PTH2R: variants seen among roughly 807,000 people sequenced by gnomAD.
The protein encoded by PTH2R is PTH2 receptor.
A neutral mutation model predicts 60.3 loss-of-function variants in PTH2R; 59 were observed. That is an observed-to-expected ratio of 0.98 (90% CI 0.79 to 1.22). The LOEUF (loss-of-function observed/expected upper bound fraction) is 1.22. Among genes scored for constraint, PTH2R ranks in the 50% most tolerant of loss-of-function variants. The pLI is 0.00. For missense variants in PTH2R, 749 were observed against 682.6 expected, an observed-to-expected ratio of 1.10 and a Z score of -1.08; for synonymous variants, 256 against 243.8, an observed-to-expected ratio of 1.05 and a Z score of -0.47.
At chr2:208,478,787 C>A (rs879256188) in intron 9 of PTH2R, among the ~76,000 whole-genome samples, 3 of 151,992 alleles carry the variant, frequency 2.0e-5, no homozygotes, top group Non-Finnish European at 4.4e-5. Flanking sequence ...GCCGCATGGG[C>A]TGCATTAAGG....
chr2:208,365,961 T>TA (rs1491452832), intron 1 of PTH2R, among the ~76,000 whole-genome samples: 46 of 10,972 alleles, frequency 4.2e-3, no homozygotes, highest in South Asian at 5.9e-3. Flanking sequence ...TATATATATA[T>TA]TTTTTTTTTT....
chr2:208,361,635 A>G (rs1700476211), intron 1 of PTH2R, among the ~76,000 whole-genome samples: 1 of 152,094 alleles, frequency 6.6e-6, no homozygotes, highest in Non-Finnish European at 1.5e-5. Context: ...TTCTGTTTCT[A>G]TGAATTTGAC....
chr2:208,474,981 A>T (rs905769626), intron 9 of PTH2R, among the ~76,000 whole-genome samples: 5 of 152,198 alleles, frequency 3.3e-5, no homozygotes, highest in Admixed American at 2.0e-4. Flanking sequence ...TCAGCTGCTG[A>T]TGTGAGTAAT....
At chr2:208,430,736 T>A (rs1225021877) in intron 2 of PTH2R, among the ~76,000 whole-genome samples, 2 of 152,010 alleles carry the variant, frequency 1.3e-5, no homozygotes, top group African/African-American at 4.8e-5. Flanking sequence ...TTTTGTTTTT[T>A]GTATTTTTTT....
At chr2:208,439,432 G>C (rs1702140184) in intron 4 of PTH2R, among the ~76,000 whole-genome samples, 1 of 151,900 alleles carries the variant, frequency 6.6e-6, no homozygotes. Context: ...AAGAAAACTA[G>C]ATATCTCCTG....
At chr2:208,460,536 A>G (rs1364527734) in intron 9 of PTH2R, among the ~76,000 whole-genome samples, 3 of 152,154 alleles carry the variant, frequency 2.0e-5, no homozygotes, top group African/African-American at 7.2e-5. Flanking sequence ...TCACTAACCT[A>G]ATAATAGGGA....
intron 1 of PTH2R, chr2:208,360,378 GA>G (rs1474338689): frequency 3.3e-6 from 1 of 306,694 alleles, no homozygotes; most frequent in East Asian, 8.4e-5. Context: ...TGGCAGCTGG[GA>G]TGAGGGCAGC....
intron 1 of PTH2R, among the ~76,000 whole-genome samples, chr2:208,408,788 A>G (rs72986749): frequency 0.029 from 4,364 of 147,982 alleles, 91 homozygotes; most frequent in Non-Finnish European, 0.043. Flanking sequence ...ATAAATCACC[A>G]TGGGATTGTG....
intron 1 of PTH2R, among the ~76,000 whole-genome samples, chr2:208,393,493 A>T (rs73983772): frequency 0.018 from 2,695 of 152,214 alleles, 70 homozygotes; most frequent in African/African-American, 0.062. Context: ...TGGGATTCCA[A>T]TCAGGGTTGT....
chr2:208,420,876 A>G (rs1428641712), intron 1 of PTH2R, among the ~76,000 whole-genome samples: 1 of 152,188 alleles, frequency 6.6e-6, no homozygotes, highest in Non-Finnish European at 1.5e-5. Flanking sequence ...GATCACCACC[A>G]CAGTGAAGAT....
At chr2:208,397,668 T>C (rs926687024) in intron 1 of PTH2R, among the ~76,000 whole-genome samples, 2 of 152,174 alleles carry the variant, frequency 1.3e-5, no homozygotes, top group African/African-American at 2.4e-5. Context: ...CTTACTGGCA[T>C]AGTGCCCAGA....
chr2:208,407,083 C>G lies in PTH2R; in HGVS notation c.40C>G (p.Leu14Val). The change falls in exon 1 of 13, where the codon CTA (leucine) becomes GTA (valine). Residue 14 changes from leucine (L) to valine (V), a missense_variant. Transcript: ENST00000272847. ...LGASLHVWGWLMLGSCLLARA... is the reference protein window; with the variant it reads ...LGASLHVWGWVMLGSCLLARA... ...GGCGTCGCTCCACGTCTGGGGTTGG[C>G]TAATGCTCGGCAGCTGCCTCCTGGC... The G allele has an allele frequency of 7.2e-7, 1 of 1,397,096 alleles. No individual in the cohort carries two copies. Among genetic ancestry groups the G allele is most frequent in the Non-Finnish European group, 9.4e-7 (1 of 1,068,706 alleles). The allele number at this position is 1,397,096 out of a possible 1,614,324, so 86.5% of individuals were successfully genotyped here.
In PTH2R at chr2:208,437,782, C is replaced by A; in HGVS notation, c.312C>A (p.Asn104Lys). The A allele has an allele frequency of 1.9e-6, 3 of 1,613,748 alleles. No individual in the cohort carries two copies. Among genetic ancestry groups the A allele is most frequent in the Non-Finnish European group, 2.5e-6 (3 of 1,179,696 alleles). The change falls in exon 4 of 13, where the codon AAC becomes AAA. Residue 104 changes from asparagine to lysine, a missense_variant. Coordinates refer to ENST00000272847, the MANE Select transcript of PTH2R (RefSeq NM_005048.4). ...CAGGAGTTGCTTTCCGACACTGTAA[C>A]CCCAATGGAACATGGGATTTTATGC... ...NHKGVAFRHC[N>K]PNGTWDFMHS...
At chr2:208,398,917 A>G (rs925864951) in intron 1 of PTH2R, among the ~76,000 whole-genome samples, 2 of 152,210 alleles carry the variant, frequency 1.3e-5, no homozygotes, top group African/African-American at 4.8e-5. Context: ...TTTCTTGGAG[A>G]AGTCTGAGAC....
intron 1 of PTH2R, among the ~76,000 whole-genome samples, chr2:208,411,065 G>A (rs911530523): frequency 6.6e-5 from 10 of 152,188 alleles, no homozygotes; most frequent in African/African-American, 7.2e-5. Flanking sequence ...GGCCGACATG[G>A]TGAAACACCG....
chr2:208,432,782 T>C (rs1019215634), intron 2 of PTH2R, among the ~76,000 whole-genome samples: 3 of 152,044 alleles, frequency 2.0e-5, no homozygotes, highest in Non-Finnish European at 4.4e-5. Flanking sequence ...TGTCCAAGGA[T>C]AGGATAAATG....
intron 9 of PTH2R, chr2:208,466,436 T>G (rs994230313): frequency 1.3e-5 from 2 of 152,308 alleles, no homozygotes; most frequent in Non-Finnish European, 2.9e-5. Context: ...CACCAGATGC[T>G]AGGAGAAAAG....
intron 8 of PTH2R, among the ~76,000 whole-genome samples, chr2:208,456,050 C>T (rs766424790): frequency 7.9e-5 from 12 of 151,978 alleles, no homozygotes; most frequent in Non-Finnish European, 1.5e-4. Flanking sequence ...ACCAGCATGG[C>T]CAACATGGTG....
chr2:208,417,787 A>G (rs562582818), intron 1 of PTH2R, among the ~76,000 whole-genome samples: 92 of 152,228 alleles, frequency 6.0e-4, no homozygotes, highest in African/African-American at 2.1e-3. Flanking sequence ...AAGAAAAGCT[A>G]CATAGAAAAT....
Sources: gnomAD v4.1 joint callset for allele counts (sites outside exome capture counted in the v4.1 genomes callset) on GRCh38, gnomAD v4.1.1 for gene constraint, MANE v1.5 for transcripts, NCBI Gene and HGNC (gene_info 2026-07-23, HGNC 2026-07-21) for gene names.